Variants in PRPF19 observed in about 807,000 individuals in gnomAD.
PRPF19 encodes pre-mRNA-processing factor 19.
A neutral mutation model predicts 64.2 loss-of-function variants in PRPF19; 2 were observed. That is an observed-to-expected ratio of 0.03 (90% CI 0.01 to 0.10). The LOEUF (loss-of-function observed/expected upper bound fraction) is 0.10, where lower values mean the gene tolerates loss of function less well. PRPF19 is among the 10% of genes least tolerant of loss of function. The probability of loss-of-function intolerance (pLI) is 1.00; values close to 1 mark genes in which losing one functional copy is unlikely to be tolerated. For missense variants in PRPF19, 314 were observed against 650.0 expected (o/e 0.48, Z 5.62); for synonymous variants, 226 against 251.6 (o/e 0.90, Z 0.96).
chr11:60,905,542 CATG>C (rs1156952249), intron 1 of PRPF19: 3 of 152,180 alleles, frequency 2.0e-5, no homozygotes, highest in Non-Finnish European at 4.4e-5. Flanking sequence ...GTCTGTACGT[CATG>C]ATAAAATATC....
At chr11:60,903,027 T>C (rs1856001040) in intron 3 of PRPF19, 146 bp from the exon 4 acceptor site, 1 of 1,375,282 alleles carries the variant, frequency 7.3e-7, no homozygotes, top group Non-Finnish European at 9.7e-7. Flanking sequence ...CAAACACGAA[T>C]GTGCCGGCAG....
Position 60,891,080 on chromosome 11 carries a change from C to CCAA in PRPF19, c.*85_*86insTTG. The CCAA allele has an allele frequency of 5.4e-6, 1 of 185,966 alleles. No individual in the cohort carries two copies. The highest frequency in any genetic ancestry group is 7.3e-5 in the Admixed American group (1 of 13,630). 11.5% of individuals were successfully genotyped at this position (185,966 alleles called of 1,614,324 possible). A position where few individuals can be genotyped will look rare whatever the true frequency, so the allele number is the denominator to read the frequency against. On this transcript the variant is annotated 3_prime_UTR_variant, in exon 16 of 16. Transcript: ENST00000227524. ...CCCACCCCACAGAGCCCCCTCCCCC[C>CCAA]ATAGATTCCCCCCACCCCCCCCCCC...
rs570318744 is a variant in PRPF19 at position 60,906,526 on chromosome 11, G to A, written c.-144C>T. ...CCGCCAGCCGAGCGATGCTAGCGTA[G>A]CGCTTCACGTGGGAATGGGGACAGC... On this transcript the variant is annotated 5_prime_UTR_variant, in exon 1 of 16. Coordinates refer to ENST00000227524, the MANE Select transcript of PRPF19 (RefSeq NM_014502.5). The A allele has an allele frequency of 2.4e-4, 206 of 868,120 alleles. No homozygotes were observed. The South Asian group carries it at 3.2e-3, about 13-fold the overall frequency. 53.8% of individuals were successfully genotyped at this position (868,120 alleles called of 1,614,324 possible). A position where few individuals can be genotyped will look rare whatever the true frequency, so the allele number is the denominator to read the frequency against.
chr11:60,897,148 T>C (rs116945051), intron 15 of PRPF19, among the ~76,000 whole-genome samples: 1,732 of 152,328 alleles, frequency 0.011, 13 homozygotes, highest in Non-Finnish European at 0.015. Context: ...GCAAGCACTA[T>C]ACCAGTGTAC....
At chr11:60,893,458 C>T (rs1426476556) in intron 15 of PRPF19, among the ~76,000 whole-genome samples, 4 of 151,352 alleles carry the variant, frequency 2.6e-5, no homozygotes, top group African/African-American at 9.7e-5. Flanking sequence ...GAGCCAAGAC[C>T]ATGCCATTGC....
In PRPF19 at chr11:60,898,428, G is replaced by A; in HGVS notation, c.1140+113C>T. 1.3e-6 allele frequency: 2 copies of A among 1,561,010 alleles called. No individual in the cohort carries two copies. Among genetic ancestry groups the A allele is most frequent in the African/African-American group, 1.4e-5 (1 of 73,802 alleles). ...CACACCATCATATCACACACGCACA[G>A]CCAGTGTCTCTCCACCTTCAGGGCC... On this transcript the variant is annotated intron_variant, in intron 13 of 15. Coordinates refer to ENST00000227524, the MANE Select transcript of PRPF19 (RefSeq NM_014502.5). The surrounding 1 kb of genome is among the most constrained non-coding windows in gnomAD (Gnocchi z 4.6).
intron 1 of PRPF19, among the ~76,000 whole-genome samples, chr11:60,904,628 G>A (rs1263099042): frequency 6.6e-6 from 1 of 152,020 alleles, no homozygotes; most frequent in Non-Finnish European, 1.5e-5. Flanking sequence ...ATGTTTACCA[G>A]TTTATTGTAA....
At chr11:60,901,201 C>G in intron 8 of PRPF19, 94 bp downstream of exon 8, 1 of 1,347,530 alleles carries the variant, frequency 7.4e-7, no homozygotes, top group Non-Finnish European at 1.0e-6. Context: ...GAACCTGGGA[C>G]AGCTCTGCAC....
chr11:60,906,454 T>C lies in PRPF19; in HGVS notation c.-72A>G. The stretch of plus-strand genomic sequence containing the variant: ...TAGCTTCTGAGCCTCCGCGAGCCAC[T>C]TCCGGTCCCCCGCTGCTGCCGGGAC... On this transcript the variant is annotated 5_prime_UTR_variant, in exon 1 of 16. Transcript: ENST00000227524. The C allele has an allele frequency of 6.7e-7, 1 of 1,483,770 alleles. No individual in the cohort carries two copies. The highest frequency in any genetic ancestry group is 1.2e-5 in the South Asian group (1 of 82,106). The allele number at this position is 1,483,770 out of a possible 1,614,324, so 91.9% of individuals were successfully genotyped here. A position where few individuals can be genotyped will look rare whatever the true frequency, so the allele number is the denominator to read the frequency against.
In PRPF19 at chr11:60,898,098, C is replaced by T; in HGVS notation, c.1311+3G>A. ...AAAGCTGGGCGGAGGGGGAAGGGCACACCTCAAAGTTGTTATCCAGCTGCA... is the reference window on the plus strand; with the variant it reads ...AAAGCTGGGCGGAGGGGGAAGGGCATACCTCAAAGTTGTTATCCAGCTGCA... On this transcript the variant is annotated splice_donor_region_variant and intron_variant, in intron 14 of 15. Transcript: ENST00000227524. The surrounding 1 kb of genome is among the most constrained non-coding windows in gnomAD (Gnocchi z 4.6). 1.2e-6 allele frequency: 2 copies of T among 1,613,062 alleles called. No homozygotes were observed. Among genetic ancestry groups the T allele is most frequent in the Non-Finnish European group, 1.7e-6 (2 of 1,179,336 alleles).
chr11:60,893,039 G>A (rs187353506), intron 15 of PRPF19, among the ~76,000 whole-genome samples: 1 of 151,972 alleles, frequency 6.6e-6, no homozygotes, highest in Admixed American at 6.6e-5. Flanking sequence ...ACATGTCAGC[G>A]ACGGACCACA....
chr11:60,894,053 G>A (rs1478433901), intron 15 of PRPF19, among the ~76,000 whole-genome samples: 1 of 152,240 alleles, frequency 6.6e-6, no homozygotes, highest in Non-Finnish European at 1.5e-5. Context: ...AGACACTTCA[G>A]TGAGTTGTCA....
chr11:60,904,880 G>C (rs542180288), intron 1 of PRPF19, among the ~76,000 whole-genome samples: 10 of 152,218 alleles, frequency 6.6e-5, no homozygotes, highest in African/African-American at 2.4e-4. Context: ...CAGGTAAATG[G>C]GGGGTAGGAC....
In PRPF19 at chr11:60,902,493, G is replaced by A. The variant is rs533523305; in HGVS notation, c.463-28C>T. 114 of 1,612,926 alleles carry A rather than the reference G, an allele frequency of 7.1e-5. 1 individual carries two copies. The South Asian group carries it at 1.2e-3, about 17-fold the overall frequency. ...GAAGAGAAGAAAGGTGAGGGTGAGA[G>A]GCACAGAGCACCAAAGACACCTGCA... is the stretch of plus-strand genomic sequence containing the variant. On this transcript the variant is annotated intron_variant, in intron 5 of 15. Coordinates refer to ENST00000227524, the MANE Select transcript of PRPF19 (RefSeq NM_014502.5). The surrounding 1 kb of genome is among the most constrained non-coding windows in gnomAD (Gnocchi z 5.0).
intron 15 of PRPF19, 124 bp downstream of exon 15, chr11:60,897,722 T>A (rs1590605945): frequency 6.6e-6 from 5 of 760,714 alleles, no homozygotes; most frequent in African/African-American, 5.3e-5. Flanking sequence ...AAGCTCTGCC[T>A]CAGGTGGTAA....
At chr11:60,896,326 G>A (rs1336818041) in intron 15 of PRPF19, among the ~76,000 whole-genome samples, 1 of 152,190 alleles carries the variant, frequency 6.6e-6, no homozygotes, top group Non-Finnish European at 1.5e-5. Context: ...ATGCATGTTG[G>A]TGCCCCCGAA....
At chr11:60,894,530 T>C (rs1411072755) in intron 15 of PRPF19, among the ~76,000 whole-genome samples, 1 of 152,210 alleles carries the variant, frequency 6.6e-6, no homozygotes, top group Non-Finnish European at 1.5e-5. Context: ...CCTCCACATC[T>C]GCAGTTACTC....
intron 10 of PRPF19, among the ~76,000 whole-genome samples, chr11:60,899,524 G>A (rs535808543): frequency 4.6e-5 from 7 of 152,324 alleles, no homozygotes; most frequent in South Asian, 2.1e-4. Flanking sequence ...TTGTGGAGGC[G>A]TCCTCGCCAT....
In PRPF19 at chr11:60,904,619, T is replaced by C. The variant is rs1046142291; in HGVS notation, c.20-758A>G. 6.6e-5 allele frequency among the ~76,000 whole-genome samples: 10 copies of C among 152,142 alleles called. 1 individual carries two copies. Among genetic ancestry groups the C allele is most frequent in the South Asian group, 4.1e-4 (2 of 4,828 alleles). On this transcript the variant is annotated intron_variant, in intron 1 of 15. Coordinates refer to ENST00000227524, the MANE Select transcript of PRPF19 (RefSeq NM_014502.5). ...CTCAAACAATTGTGGGAAACACTTA[T>C]GTTTACCAGTTTATTGTAAAGGATA...
Sources: allele counts gnomAD v4.1 joint callset (sites outside exome capture counted in the v4.1 genomes callset), GRCh38; gene constraint gnomAD v4.1.1; non-coding constraint Gnocchi (gnomAD v3.1); transcripts MANE v1.5; gene names NCBI Gene and HGNC (gene_info 2026-07-23, HGNC 2026-07-21).